FHIT: variants seen among roughly 807,000 people sequenced by gnomAD.
The protein encoded by FHIT is fragile histidine triad diadenosine triphosphatase.
FHIT carries 19 observed loss-of-function variants against 17.9 expected under a neutral mutation model. The observed-to-expected ratio is 1.06, with a 90% CI of 0.74 to 1.56. The LOEUF is 1.56. Ranked by LOEUF, FHIT falls within the 40% of genes most tolerant of loss-of-function variation. The probability of loss-of-function intolerance (pLI) is 0.00; values close to 1 mark genes in which losing one functional copy is unlikely to be tolerated. For missense variants in FHIT, 248 were observed against 189.2 expected (o/e 1.31, Z -1.82); for synonymous variants, 81 against 69.7 (o/e 1.16, Z -0.81).
At chr3:60,096,396 A>T (rs1703950658) in intron 5 of FHIT, among the ~76,000 whole-genome samples, 1 of 152,098 alleles carries the variant, frequency 6.6e-6, no homozygotes, top group Admixed American at 6.6e-5. Flanking sequence ...AAAAAGCAAC[A>T]TTAGATTGGT....
At chr3:61,213,472 T>G (rs575338161) in intron 1 of FHIT, among the ~76,000 whole-genome samples, 2 of 152,318 alleles carry the variant, frequency 1.3e-5, no homozygotes, top group South Asian at 2.1e-4. Flanking sequence ...TAAATATATA[T>G]GCATCCAATA....
At chr3:60,738,651 G>A (rs781918818) in intron 4 of FHIT, among the ~76,000 whole-genome samples, 1 of 152,188 alleles carries the variant, frequency 6.6e-6, no homozygotes, top group Non-Finnish European at 1.5e-5. Flanking sequence ...CTAGCTGTGT[G>A]GTCACGGACA....
intron 4 of FHIT, among the ~76,000 whole-genome samples, chr3:60,573,572 C>T (rs566065437): frequency 2.6e-4 from 39 of 152,212 alleles, no homozygotes; most frequent in African/African-American, 7.0e-4. Flanking sequence ...GAACTGAGAA[C>T]GAACCTGCAG....
In FHIT at chr3:60,159,045, ACCC is replaced by A. The variant is rs568282983; in HGVS notation, c.104-144896_104-144894del. Among the ~76,000 whole-genome samples, 807 of 151,248 alleles carry A rather than the reference ACCC, an allele frequency of 5.3e-3. 5 individuals carry two copies. The highest frequency in any genetic ancestry group is 9.1e-3 in the Non-Finnish European group (614 of 67,798). ...ATGTTTGCTAACCTTTTTCATTATT[ACCC>A]CCCAAGGAGCCTCTTTAGACTTTTT... On this transcript the variant is annotated intron_variant, in intron 5 of 9. Transcript: ENST00000492590.
At chr3:59,785,248 T>C (rs1702787342) in intron 8 of FHIT, among the ~76,000 whole-genome samples, 1 of 152,042 alleles carries the variant, frequency 6.6e-6, no homozygotes, top group South Asian at 2.1e-4. Flanking sequence ...ATATCACCTA[T>C]TTATGGCATA....
intron 4 of FHIT, among the ~76,000 whole-genome samples, chr3:60,798,475 C>G (rs1477529359): frequency 1.3e-5 from 2 of 152,138 alleles, no homozygotes; most frequent in African/African-American, 4.8e-5. Flanking sequence ...TAGATTTTGT[C>G]CTTAAAAAAG....
chr3:60,905,459 C>T (rs1180508204), intron 3 of FHIT, among the ~76,000 whole-genome samples: 4 of 152,082 alleles, frequency 2.6e-5, no homozygotes, highest in East Asian at 1.9e-4. Context: ...ATTTACTTAC[C>T]AGCAATGTCA....
At chr3:60,756,037 T>C (rs1238836117) in intron 4 of FHIT, among the ~76,000 whole-genome samples, 1 of 152,212 alleles carries the variant, frequency 6.6e-6, no homozygotes, top group Non-Finnish European at 1.5e-5. Context: ...CTCCTAAATA[T>C]TTTTACTTTG....
In FHIT at chr3:60,445,480, AG is replaced by A. The variant is rs545118732; in HGVS notation, c.103+91379del. 1.4e-3 allele frequency among the ~76,000 whole-genome samples: 196 copies of A among 141,962 alleles called. 2 individuals are homozygous for A. The highest frequency in any genetic ancestry group is 5.7e-3 in the African/African-American group (192 of 33,502). 93.1% of individuals were successfully genotyped at this position (141,962 alleles called of 152,430 possible). A position where few individuals can be genotyped will look rare whatever the true frequency, so the allele number is the denominator to read the frequency against. The stretch of plus-strand genomic sequence containing the variant: ...CACTTTTATAAAAAGAAGAAGAAGA[AG>A]AAAAAAAAAAGAAACAAAGTAATGG... On this transcript the variant is annotated intron_variant, in intron 5 of 9. Transcript: ENST00000492590.
At chr3:60,040,635 G>A (rs1161977870) in intron 5 of FHIT, among the ~76,000 whole-genome samples, 1 of 152,088 alleles carries the variant, frequency 6.6e-6, no homozygotes, top group Non-Finnish European at 1.5e-5. Context: ...TGGTTCGGAG[G>A]GCTTCAAGAG....
intron 5 of FHIT, among the ~76,000 whole-genome samples, chr3:60,107,046 TA>T (rs1242662233): frequency 1.3e-5 from 2 of 152,184 alleles, no homozygotes; most frequent in East Asian, 3.9e-4. Context: ...TAATCAGTTT[TA>T]AAAAGCTGAA....
chr3:61,093,272 C>A (rs1249071160), intron 2 of FHIT, among the ~76,000 whole-genome samples: 1 of 152,026 alleles, frequency 6.6e-6, no homozygotes, highest in East Asian at 1.9e-4. Flanking sequence ...ACTGAGAAAG[C>A]ATACAAAAGA....
At chr3:60,719,815 A>C (rs2041769160) in intron 4 of FHIT, among the ~76,000 whole-genome samples, 1 of 152,168 alleles carries the variant, frequency 6.6e-6, no homozygotes, top group African/African-American at 2.4e-5. Flanking sequence ...TCCATCCTCA[A>C]GTCCTAAGGT....
At chr3:61,097,986 G>A (rs565825826) in intron 2 of FHIT, among the ~76,000 whole-genome samples, 1 of 152,138 alleles carries the variant, frequency 6.6e-6, no homozygotes, top group African/African-American at 2.4e-5. Context: ...TGCTTTTGTT[G>A]CAATTACTTT....
chr3:61,019,612 C>T (rs878869531), intron 3 of FHIT, among the ~76,000 whole-genome samples: 2 of 152,232 alleles, frequency 1.3e-5, no homozygotes, highest in Admixed American at 6.5e-5. Context: ...CATTCATACT[C>T]TGTGTAATAT....
chr3:59,786,262 C>T (rs1699286546), intron 8 of FHIT, among the ~76,000 whole-genome samples: 1 of 152,170 alleles, frequency 6.6e-6, no homozygotes, highest in South Asian at 2.1e-4. Flanking sequence ...GGTGCAGCTT[C>T]CATCTCCCTC....
chr3:61,103,888 TTTC>T (rs2035911921), intron 2 of FHIT, among the ~76,000 whole-genome samples: 1 of 151,210 alleles, frequency 6.6e-6, no homozygotes, highest in Non-Finnish European at 1.5e-5. Context: ...CCTGCTTTTT[TTTC>T]TTTTTTTTTT....
chr3:60,865,008 A>T (rs930272433), intron 3 of FHIT, among the ~76,000 whole-genome samples: 2 of 152,168 alleles, frequency 1.3e-5, no homozygotes, highest in African/African-American at 4.8e-5. Flanking sequence ...CTTAGTTCAC[A>T]ATAAAATAGA....
chr3:59,865,378 T>C (rs190710542), intron 8 of FHIT, among the ~76,000 whole-genome samples: 1 of 152,388 alleles, frequency 6.6e-6, no homozygotes, highest in East Asian at 1.9e-4. Flanking sequence ...TTCTATTCAC[T>C]TTAGAGATGC....
Sources: gnomAD v4.1 joint callset for allele counts (sites outside exome capture counted in the v4.1 genomes callset) on GRCh38, gnomAD v4.1.1 for gene constraint, MANE v1.5 for transcripts, NCBI Gene and HGNC (gene_info 2026-07-23, HGNC 2026-07-21) for gene names.